MGRN1: variants seen among roughly 807,000 people sequenced by gnomAD.
MGRN1 encodes mahogunin ring finger 1.
In MGRN1, 29 loss-of-function variants were observed where a neutral mutation model predicts 69.2. The observed-to-expected ratio is 0.42, with a 90% CI of 0.31 to 0.57. The LOEUF (loss-of-function observed/expected upper bound fraction) is 0.57. Among genes scored for constraint, MGRN1 ranks in the 20% least tolerant of loss-of-function variants. The pLI, the probability that MGRN1 is intolerant of heterozygous loss-of-function variation, is 0.15. For missense variants in MGRN1, 998 were observed against 796.2 expected (o/e 1.25, Z -3.05); for synonymous variants, 470 against 344.2 (o/e 1.37, Z -4.04).
chr16:4,643,135 T>TA (rs1287960277), intron 1 of MGRN1, among the ~76,000 whole-genome samples: 1 of 152,040 alleles, frequency 6.6e-6, no homozygotes, highest in African/African-American at 2.4e-5. Context: ...TTTGTATTTT[T>TA]AGTAGAGATG....
At chr16:4,632,766 A>T (rs1898075408) in intron 1 of MGRN1, among the ~76,000 whole-genome samples, 1 of 152,010 alleles carries the variant, frequency 6.6e-6, no homozygotes, top group South Asian at 2.1e-4. Flanking sequence ...CATCACACCA[A>T]AAAGAAACCC....
At chr16:4,665,001 G>C (rs1048501050) in intron 6 of MGRN1, 101 bp from the exon 7 acceptor site, 1 of 1,393,702 alleles carries the variant, frequency 7.2e-7, no homozygotes, top group Non-Finnish European at 1.0e-6. Flanking sequence ...CTCTGTGCAG[G>C]CTGAGCCCTC....
Position 4,671,243 on chromosome 16 carries a change from GC to G in MGRN1, c.727-145del. ...TGGGGGCAAGCAGCAGGTTTTCCCT[GC>G]CCTTCTCCTGGCCCCCAGGGGTTGA... On this transcript the variant is annotated intron_variant, in intron 8 of 16. Coordinates refer to ENST00000262370, the MANE Select transcript of MGRN1 (RefSeq NM_015246.4). The G allele has an allele frequency of 7.2e-6, 5 of 695,546 alleles. No individual in the cohort carries two copies. The South Asian group carries it at 8.8e-5, about 12-fold the overall frequency. The allele number at this position is 695,546 out of a possible 1,614,324, so 43.1% of individuals were successfully genotyped here.
At chr16:4,660,094 G>A (rs112615736) in intron 5 of MGRN1, among the ~76,000 whole-genome samples, 1 of 152,252 alleles carries the variant, frequency 6.6e-6, no homozygotes, top group African/African-American at 2.4e-5. Context: ...TTAGCATCAA[G>A]AGCGCAGCTG....
At chr16:4,672,309 A>T (rs1483089867) in intron 9 of MGRN1, 4 of 455,926 alleles carry the variant, frequency 8.8e-6, no homozygotes, top group Non-Finnish European at 1.3e-5. Flanking sequence ...AGCCTCCCAA[A>T]GTGCTGGGAT....
chr16:4,659,815 G>C (rs1464753623), intron 5 of MGRN1, among the ~76,000 whole-genome samples: 4 of 151,030 alleles, frequency 2.6e-5, no homozygotes, highest in Non-Finnish European at 5.9e-5. Context: ...TTCAGAGAAG[G>C]CTGGGTGGCC....
intron 16 of MGRN1, chr16:4,687,525 C>CGGGGGGGGGGGG: frequency 1.0e-6 from 1 of 982,276 alleles, no homozygotes; most frequent in African/African-American, 1.8e-5. Context: ...AAAAAATACA[C>CGGGGGGGGGGGG]ACACACCCAC....
intron 1 of MGRN1, among the ~76,000 whole-genome samples, chr16:4,641,587 C>T (rs8046874): frequency 0.034 from 5,083 of 150,260 alleles, 279 homozygotes; most frequent in African/African-American, 0.12. Context: ...GGTGCAGTCT[C>T]GGCTGACCGC....
At chr16:4,683,006 G>T (rs2079223823) in intron 14 of MGRN1, 60 bp downstream of exon 14, 1 of 1,493,664 alleles carries the variant, frequency 6.7e-7, no homozygotes, top group African/African-American at 1.4e-5. Context: ...TCCAGCTTCT[G>T]TCGCTGGAAT....
intron 10 of MGRN1, among the ~76,000 whole-genome samples, chr16:4,675,546 C>A (rs573987323): frequency 6.6e-6 from 1 of 152,072 alleles, no homozygotes; most frequent in Non-Finnish European, 1.5e-5. Flanking sequence ...CGAGACTAGC[C>A]TGGGCAACAT....
intron 13 of MGRN1, among the ~76,000 whole-genome samples, chr16:4,682,033 T>C (rs959830340): frequency 6.6e-6 from 1 of 151,464 alleles, no homozygotes; most frequent in African/African-American, 2.4e-5. Context: ...TGCAGGCGCA[T>C]ACGTGCTCTC....
chr16:4,636,549 T>C (rs1353893893), intron 1 of MGRN1, among the ~76,000 whole-genome samples: 1 of 152,220 alleles, frequency 6.6e-6, no homozygotes, highest in East Asian at 1.9e-4. Context: ...GTTGGGGCTG[T>C]TGGGTGCATT....
At chr16:4,634,819 G>A (rs531734121) in intron 1 of MGRN1, 1 of 152,348 alleles carries the variant, frequency 6.6e-6, no homozygotes, top group African/African-American at 2.4e-5. Context: ...CATCCAGCTC[G>A]CGGGGGACTT....
chr16:4,640,447 A>T (rs1194071035), intron 1 of MGRN1: 1 of 152,264 alleles, frequency 6.6e-6, no homozygotes, highest in East Asian at 1.9e-4. Flanking sequence ...CTCCCTGTGC[A>T]GGTTGCCCGG....
At chr16:4,684,010 CGG>C in intron 16 of MGRN1, 78 bp downstream of exon 16, 1 of 1,249,314 alleles carries the variant, frequency 8.0e-7, no homozygotes, top group Non-Finnish European at 1.1e-6. Context: ...CTCTGATGGT[CGG>C]TGCATAGCAG....
rs190596874 is a variant in MGRN1 at position 4,657,623 on chromosome 16, G to A, written c.561+260G>A. 5.0e-3 allele frequency among the ~76,000 whole-genome samples: 758 copies of A among 152,152 alleles called. 4 individuals are homozygous for A. Among genetic ancestry groups the A allele is most frequent in the Non-Finnish European group, 8.7e-3 (595 of 68,006 alleles). ...CTCAGACACTGGGGTTTGGGGAGAT[G>A]TGAAGAATGGGGCACCCCCTGCCAG... On this transcript the variant is annotated intron_variant, in intron 5 of 16. Coordinates refer to ENST00000262370, the MANE Select transcript of MGRN1 (RefSeq NM_015246.4).
chr16:4,668,458 C>A (rs2078856124), intron 8 of MGRN1, 146 bp downstream of exon 8: 2 of 808,422 alleles, frequency 2.5e-6, no homozygotes, highest in Admixed American at 4.9e-5. Flanking sequence ...CATTCACTTG[C>A]ACATATATAC....
At chr16:4,636,406 T>C (rs777239999) in intron 1 of MGRN1, among the ~76,000 whole-genome samples, 3 of 152,114 alleles carry the variant, frequency 2.0e-5, no homozygotes, top group Admixed American at 6.5e-5. Flanking sequence ...ATCTGGCGTC[T>C]GCTGTGGGAC....
chr16:4,680,055 G>A lies in MGRN1; in HGVS notation c.1089G>A (p.Pro363=), dbSNP rs762530789. 5.0e-6 allele frequency: 8 copies of A among 1,613,992 alleles called. No homozygotes were observed. Among genetic ancestry groups the A allele is most frequent in the South Asian group, 1.1e-5 (1 of 91,066 alleles). The change falls in exon 12 of 17, where the codon CCG becomes CCA. Residue 363 remains proline, a synonymous_variant. Coordinates refer to ENST00000262370, the MANE Select transcript of MGRN1 (RefSeq NM_015246.4). ...AGTGTCCCTTTAAAAAATCAAAGCCGCACCCCGCCTCCCTGGCCAGCAAGA... is the reference window on the plus strand; with the variant it reads ...AGTGTCCCTTTAAAAAATCAAAGCCACACCCCGCCTCCCTGGCCAGCAAGA... The part of the protein sequence containing the change: ...EHSCPFKKSK[P]HPASLASKKP...
Sources: allele counts gnomAD v4.1 joint callset (sites outside exome capture counted in the v4.1 genomes callset), GRCh38; gene constraint gnomAD v4.1.1; transcripts MANE v1.5; gene names NCBI Gene and HGNC (gene_info 2026-07-23, HGNC 2026-07-21).